NCOR2: variants seen among roughly 807,000 people sequenced by gnomAD.
NCOR2 encodes nuclear receptor corepressor 2.
Under a neutral mutation model 262.9 loss-of-function variants are expected in NCOR2, and 81 were observed. The observed-to-expected ratio is 0.31, with a 90% CI of 0.26 to 0.37. NCOR2 has a LOEUF of 0.37. Among genes scored for constraint, NCOR2 ranks in the 10% least tolerant of loss-of-function variants. The pLI, the probability that NCOR2 is intolerant of heterozygous loss-of-function variation, is 1.00. For synonymous variants in NCOR2, 1,659 were observed against 1,559.3 expected (o/e 1.06, Z -1.51); for missense variants, 3,385 against 3,621.4 (o/e 0.93, Z 1.68).
intron 8 of NCOR2, among the ~76,000 whole-genome samples, chr12:124,433,699 T>C (rs904310241): frequency 2.0e-5 from 3 of 152,124 alleles, no homozygotes; most frequent in African/African-American, 4.8e-5. Context: ...GCATTCGGTC[T>C]GCCTCGGACA....
chr12:124,520,034 G>A (rs773412619), intron 1 of NCOR2, among the ~76,000 whole-genome samples: 5 of 152,230 alleles, frequency 3.3e-5, no homozygotes, highest in East Asian at 1.9e-4. Context: ...ACAGGGGCCC[G>A]TGGCCACTGG....
intron 44 of NCOR2, among the ~76,000 whole-genome samples, chr12:124,329,731 G>A (rs962447510): frequency 1.3e-5 from 2 of 152,196 alleles, no homozygotes; most frequent in Non-Finnish European, 2.9e-5. Flanking sequence ...GTGACAGAAA[G>A]ACCGTGTCTT....
At chr12:124,368,556 G>A (rs2039222825) in intron 20 of NCOR2, among the ~76,000 whole-genome samples, 1 of 152,180 alleles carries the variant, frequency 6.6e-6, no homozygotes, top group Non-Finnish European at 1.5e-5. Flanking sequence ...TCTCTGCCCT[G>A]GGCTGCTCAC....
intron 6 of NCOR2, among the ~76,000 whole-genome samples, chr12:124,450,903 A>G (rs910381269): frequency 3.3e-5 from 5 of 152,190 alleles, no homozygotes; most frequent in African/African-American, 1.2e-4. Context: ...TTTTGTGAAG[A>G]TCAAACGAGA....
chr12:124,545,487 C>T (rs2051512184), intron 1 of NCOR2, among the ~76,000 whole-genome samples: 1 of 152,220 alleles, frequency 6.6e-6, no homozygotes, highest in Admixed American at 6.5e-5. Context: ...CACCCAATCC[C>T]TCCACACCAA....
intron 32 of NCOR2, 53 bp from the exon 35 acceptor site, chr12:124,343,279 G>A: frequency 6.6e-7 from 1 of 1,508,972 alleles, no homozygotes. Flanking sequence ...CATTTACGGG[G>A]AGTTGTTTGA....
Position 124,440,196 on chromosome 12 carries a change from CA to C in NCOR2, c.816-2201del, listed in dbSNP as rs1162779860. 6.6e-6 allele frequency among the ~76,000 whole-genome samples: 1 copy of C among 152,224 alleles called. No individual in the cohort carries two copies. The highest frequency in any genetic ancestry group is 1.5e-5 in the Non-Finnish European group (1 of 68,038). On this transcript the variant is annotated intron_variant, in intron 7 of 46. Coordinates refer to ENST00000405201, the Ensembl canonical transcript of NCOR2. The surrounding 1 kb of genome is among the most constrained non-coding windows in gnomAD (Gnocchi z 5.7). ...ATCCCCAACTTTTTCATATTCTCAG[CA>C]GTGTCCAAACCCCCTCAAAAGTTCC...
chr12:124,426,286 T>C (rs1204305787), intron 11 of NCOR2, among the ~76,000 whole-genome samples: 2 of 152,174 alleles, frequency 1.3e-5, no homozygotes, highest in African/African-American at 4.8e-5. Flanking sequence ...ACGGGTGTCC[T>C]TATAAGAAGA....
intron 3 of NCOR2, among the ~76,000 whole-genome samples, chr12:124,479,437 ATG>A (rs908181680): frequency 2.1e-5 from 3 of 143,528 alleles, no homozygotes; most frequent in African/African-American, 7.8e-5. Flanking sequence ...ACACAGGCAC[ATG>A]TGTGCACACA....
intron 4 of NCOR2, among the ~76,000 whole-genome samples, chr12:124,470,299 A>G (rs952004756): frequency 6.6e-6 from 1 of 152,222 alleles, no homozygotes; most frequent in African/African-American, 2.4e-5. Flanking sequence ...GAAAGTCATC[A>G]GCAAATTAAA....
chr12:124,486,747 C>T (rs2047786242), intron 1 of NCOR2, among the ~76,000 whole-genome samples, 179 bp from the exon 4 acceptor site: 2 of 152,176 alleles, frequency 1.3e-5, no homozygotes, highest in Non-Finnish European at 2.9e-5. Flanking sequence ...CCCTTGGGGC[C>T]GAACACCAAG....
intron 6 of NCOR2, among the ~76,000 whole-genome samples, chr12:124,451,304 G>A (rs2045516662): frequency 6.6e-6 from 1 of 152,238 alleles, no homozygotes; most frequent in Non-Finnish European, 1.5e-5. Flanking sequence ...TTCCAGACAG[G>A]TGAGAAACAG....
At chr12:124,456,853 G>A (rs995130128) in intron 6 of NCOR2, among the ~76,000 whole-genome samples, 5 of 152,204 alleles carry the variant, frequency 3.3e-5, no homozygotes, top group Non-Finnish European at 5.9e-5. Flanking sequence ...GGTATGCACA[G>A]GAGTGCGCAG....
At chr12:124,333,022 G>A (rs1006370634) in intron 42 of NCOR2, 108 bp downstream of exon 44, 5 of 1,424,508 alleles carry the variant, frequency 3.5e-6, no homozygotes, top group Non-Finnish European at 3.7e-6. Flanking sequence ...ACCCAGCTGA[G>A]CCCTGTGCCC....
intron 7 of NCOR2, among the ~76,000 whole-genome samples, chr12:124,447,216 A>G (rs2045233957): frequency 6.6e-6 from 1 of 152,352 alleles, no homozygotes; most frequent in South Asian, 2.1e-4. Context: ...CGCCCAGCAC[A>G]TCTAGTTGTT....
intron 42 of NCOR2, among the ~76,000 whole-genome samples, 182 bp from the exon 45 acceptor site, chr12:124,332,649 G>C (rs186573299): frequency 1.3e-5 from 2 of 152,114 alleles, no homozygotes; most frequent in Non-Finnish European, 2.9e-5. Flanking sequence ...CGGTTCACCC[G>C]TCCTGGGGCT....
At chr12:124,450,303 C>A (rs2045441421) in intron 6 of NCOR2, among the ~76,000 whole-genome samples, 1 of 152,238 alleles carries the variant, frequency 6.6e-6, no homozygotes, top group Admixed American at 6.5e-5. Context: ...CAGCAAAAGA[C>A]AAAAACGTTG....
intron 11 of NCOR2, among the ~76,000 whole-genome samples, chr12:124,422,933 C>T (rs1057341208): frequency 2.6e-5 from 4 of 152,306 alleles, no homozygotes; most frequent in Non-Finnish European, 4.4e-5. Context: ...AGGGCCTCAC[C>T]CAGCCCACAC....
At chr12:124,337,457 A>G (rs1349172769) in intron 37 of NCOR2, 1 of 644,754 alleles carries the variant, frequency 1.6e-6, no homozygotes, top group Non-Finnish European at 2.9e-6. Context: ...GCGGTCATAA[A>G]ACGGATGCAA....
Sources: gnomAD v4.1 joint callset for allele counts (sites outside exome capture counted in the v4.1 genomes callset) on GRCh38, gnomAD v4.1.1 for gene constraint, Gnocchi (gnomAD v3.1) non-coding constraint, MANE v1.5 for transcripts, NCBI Gene and HGNC (gene_info 2026-07-23, HGNC 2026-07-21) for gene names.